TPCN1: variants seen among roughly 807,000 people sequenced by gnomAD.
TPCN1 encodes two pore segment channel 1, also known as two pore channel protein 1.
In TPCN1, 52 loss-of-function variants were observed where a neutral mutation model predicts 108.8. That is an observed-to-expected ratio of 0.48 (90% CI 0.38 to 0.60). The LOEUF (loss-of-function observed/expected upper bound fraction) is 0.60, where lower values mean the gene tolerates loss of function less well. Among genes scored for constraint, TPCN1 ranks in the 20% least tolerant of loss-of-function variants. The pLI is 0.00. For missense variants in TPCN1, 806 were observed against 1,072.8 expected (o/e 0.75, Z 3.47); for synonymous variants, 446 against 433.7 (o/e 1.03, Z -0.35).
At position 113,291,955 on chromosome 12, in the gene TPCN1, G is replaced by A; in HGVS notation, c.2110G>A (p.Glu704Lys). Residue 704 changes from glutamate to lysine, a missense_variant, in exon 25 of 28, where the codon GAA (glutamate) becomes AAA (lysine). Transcript: ENST00000335509. ...MNYSRKNQDS[E>K]VDGGITLEKE... ...CTACAGCCGCAAGAACCAGGACTCG[G>A]AAGGTCTGTGCAGGGATGATGCCTT... The A allele has an allele frequency of 6.2e-7, 1 of 1,614,130 alleles. No individual in the cohort carries two copies. Among genetic ancestry groups the A allele is most frequent in the Non-Finnish European group, 8.5e-7 (1 of 1,180,004 alleles).
chr12:113,261,453 C>T (rs1391899261), intron 3 of TPCN1, among the ~76,000 whole-genome samples: 1 of 119,324 alleles, frequency 8.4e-6, no homozygotes, highest in Non-Finnish European at 1.6e-5. Flanking sequence ...GAGACAGTCT[C>T]ACTCCATCAC....
At chr12:113,228,873 A>T (rs937414611) in intron 2 of TPCN1, among the ~76,000 whole-genome samples, 1 of 152,068 alleles carries the variant, frequency 6.6e-6, no homozygotes, top group South Asian at 2.1e-4. Context: ...CTAGTGAGGG[A>T]GGGTGGTTGG....
intron 2 of TPCN1, among the ~76,000 whole-genome samples, chr12:113,228,670 A>G (rs559872506): frequency 5.3e-5 from 8 of 152,274 alleles, no homozygotes; most frequent in African/African-American, 1.9e-4. Flanking sequence ...TATAACCTCA[A>G]TATAGGGTTG....
At chr12:113,293,440 G>C in intron 27 of TPCN1, 91 bp downstream of exon 27, 1 of 1,228,098 alleles carries the variant, frequency 8.1e-7, no homozygotes, top group Non-Finnish European at 1.2e-6. Context: ...TGAGTAGAGG[G>C]AGAAGGCTGG....
Position 113,237,012 on chromosome 12 carries a change from T to C in TPCN1, c.112+10048T>C, listed in dbSNP as rs560369921. Among the ~76,000 whole-genome samples, 3 of 152,272 alleles carry C rather than the reference T, an allele frequency of 2.0e-5. No homozygotes were observed. The East Asian group carries it at 5.8e-4, about 29-fold the overall frequency. On this transcript the variant is annotated intron_variant, in intron 2 of 27. Coordinates refer to ENST00000335509, the MANE Select transcript of TPCN1 (RefSeq NM_017901.6). ...TTTTACAGAGTGCCTAAAATGCTGA[T>C]GGCAGGAGTTTGGACCTGGTTGAGT...
intron 2 of TPCN1, among the ~76,000 whole-genome samples, chr12:113,238,977 A>T (rs982324489): frequency 3.9e-5 from 6 of 152,040 alleles, no homozygotes; most frequent in Non-Finnish European, 7.4e-5. Flanking sequence ...AAAAGAAGTT[A>T]AAAAAAGTTA....
chr12:113,275,488 T>C (rs61943617), intron 10 of TPCN1, among the ~76,000 whole-genome samples: 16,607 of 152,010 alleles, frequency 0.11, 1,066 homozygotes, highest in East Asian at 0.21. Context: ...AGGTGATCCG[T>C]CCGACTCAGC....
At chr12:113,257,290 A>G (rs1033527289) in intron 2 of TPCN1, among the ~76,000 whole-genome samples, 2 of 152,140 alleles carry the variant, frequency 1.3e-5, no homozygotes, top group Non-Finnish European at 2.9e-5. Flanking sequence ...TTCGGAATTC[A>G]AGGCCAGCCT....
chr12:113,226,951 G>A lies in TPCN1; in HGVS notation c.99G>A (p.Glu33=). Residue 33 remains glutamate (E), a synonymous_variant, in exon 2 of 28, where the codon GAG becomes GAA. Transcript: ENST00000335509. ...CCTCCAACGGCCTGGGCCAAGAAGA[G>A]CTACCTAGCAAAAGTAAGATGGTGG... The part of the protein sequence containing the change: ...LAPSNGLGQE[E]LPSKNGGSYA... 1 of 1,613,162 alleles carries A rather than the reference G, an allele frequency of 6.2e-7. No individual in the cohort carries two copies. Among genetic ancestry groups the A allele is most frequent in the African/African-American group, 1.3e-5 (1 of 75,026 alleles).
At chr12:113,259,975 G>T (rs1408881086) in intron 2 of TPCN1, among the ~76,000 whole-genome samples, 1 of 152,160 alleles carries the variant, frequency 6.6e-6, no homozygotes, top group African/African-American at 2.4e-5. Context: ...AAAAGTCAAA[G>T]GATTCAAAAA....
intron 3 of TPCN1, among the ~76,000 whole-genome samples, chr12:113,263,279 C>T (rs1955112187): frequency 6.6e-6 from 1 of 152,104 alleles, no homozygotes; most frequent in Non-Finnish European, 1.5e-5. Flanking sequence ...GCCTGTTTTT[C>T]TTGAGACAGA....
chr12:113,247,693 C>A (rs1272091496), intron 2 of TPCN1, among the ~76,000 whole-genome samples: 1 of 152,250 alleles, frequency 6.6e-6, no homozygotes, highest in Non-Finnish European at 1.5e-5. Context: ...TGGCTCCTCG[C>A]CTTCCATTTG....
At chr12:113,253,336 A>G (rs16942678) in intron 2 of TPCN1, among the ~76,000 whole-genome samples, 2,611 of 152,338 alleles carry the variant, frequency 0.017, 54 homozygotes, top group African/African-American at 0.059. Context: ...ATGTATTTAG[A>G]TAGGTGTCAG....
chr12:113,260,423 TGA>T lies in TPCN1; in HGVS notation c.172_173del (p.Ser58PhefsTer96). On this transcript the variant is annotated frameshift_variant, in exon 3 of 28. Coordinates refer to ENST00000335509, the MANE Select transcript of TPCN1 (RefSeq NM_017901.6). LOFTEE classifies it high-confidence loss of function. ...SQAPSLSSGG[E>X]SSPSSPAHNW... ...AGGCCCCCAGTCTCAGCTCTGGGGG[TGA>T]GAGTTCCCCCTCCAGCCCCGCACAC... The T allele has an allele frequency of 6.4e-7, 1 of 1,551,816 alleles. No individual in the cohort carries two copies. The highest frequency in any genetic ancestry group is 2.6e-5 in the East Asian group (1 of 38,228).
Position 113,284,831 on chromosome 12 carries a change from C to A in TPCN1, c.1453+60C>A. ...TTTTAAAATTGTCTGGGAGAACTTT[C>A]ATTCAGTGTAGAACCTCATGGTTCT... is the stretch of plus-strand genomic sequence containing the variant. On this transcript the variant is annotated intron_variant, in intron 17 of 27. Transcript: ENST00000335509. The surrounding 1 kb of genome is among the most constrained non-coding windows in gnomAD (Gnocchi z 4.1). The A allele has an allele frequency of 6.4e-7, 1 of 1,563,760 alleles. No individual in the cohort carries two copies. The highest frequency in any genetic ancestry group is 1.1e-5 in the South Asian group (1 of 90,022).
rs974910673 is a variant in TPCN1, at chr12:113,269,623, C to T, written c.660-134C>T. The stretch of plus-strand genomic sequence containing the variant: ...CAAGCCACTTTAGGAAAAAATGAAG[C>T]ATGATGTCACACCAGAGTGCGTCAG... On this transcript the variant is annotated intron_variant, in intron 6 of 27. Transcript: ENST00000335509. This position sits in a 1 kb window ranked among gnomAD's most constrained non-coding sequence, Gnocchi z 5.0. The T allele has an allele frequency of 2.7e-5, 20 of 746,448 alleles. No homozygotes were observed. The highest frequency in any genetic ancestry group is 4.2e-5 in the Non-Finnish European group (19 of 452,856). 46.2% of individuals were successfully genotyped at this position (746,448 alleles called of 1,614,324 possible). A position where few individuals can be genotyped will look rare whatever the true frequency, so the allele number is the denominator to read the frequency against.
rs1955330918 is a variant in TPCN1 at position 113,267,883 on chromosome 12, T to C, written c.455T>C (p.Val152Ala). The change falls in exon 5 of 28, where the codon GTG becomes GCG. Residue 152 changes from valine to alanine, a missense_variant. Transcript: ENST00000335509. ...GAGCTGTTTGCCCTGATGGTGGTAG[T>C]GTTTGAACTCTGCATGAAGTTACGC... is the stretch of plus-strand genomic sequence containing the variant. ...TLELFALMVV[V>A]FELCMKLRWL... 1 of 1,614,040 alleles carries C rather than the reference T, an allele frequency of 6.2e-7. No homozygotes were observed. Among genetic ancestry groups the C allele is most frequent in the African/African-American group, 1.3e-5 (1 of 74,920 alleles).
intron 14 of TPCN1, among the ~76,000 whole-genome samples, chr12:113,279,683 C>T (rs1208386623): frequency 1.3e-5 from 2 of 152,022 alleles, no homozygotes; most frequent in South Asian, 2.1e-4. Context: ...GGATTACAGG[C>T]GTGAGCCACT....
chr12:113,292,828 G>T, intron 25 of TPCN1, 106 bp from the exon 26 acceptor site: 1 of 1,328,744 alleles, frequency 7.5e-7, no homozygotes. Context: ...GGTTTAGAGA[G>T]AGAACCTTAA....
Sources: gnomAD v4.1 joint callset for allele counts (sites outside exome capture counted in the v4.1 genomes callset) on GRCh38, gnomAD v4.1.1 for gene constraint, Gnocchi (gnomAD v3.1) non-coding constraint, MANE v1.5 for transcripts, NCBI Gene and HGNC (gene_info 2026-07-23, HGNC 2026-07-21) for gene names.